The following GGTA1 variants were observed in gnomAD, a reference collection of about 807,000 sequenced individuals.
The protein encoded by GGTA1 is glycoprotein alpha-galactosyltransferase 1 (inactive).
In GGTA1, 5 loss-of-function variants were observed where a neutral mutation model predicts 2.6. The ratio of observed to expected loss-of-function variants is 1.92; its 90% confidence interval spans 1.00 to 4.04. The LOEUF is 4.04. Among genes scored for constraint, GGTA1 ranks in the 30% most tolerant of loss-of-function variants. The probability of loss-of-function intolerance (pLI) is 0.00; values close to 1 mark genes in which losing one functional copy is unlikely to be tolerated. For missense variants in GGTA1, 50 were observed against 16.7 expected (o/e 2.99, Z -3.47); for synonymous variants, 17 against 5.0 (o/e 3.38, Z -3.19).
At chr9:121,481,152 CAAA>C (rs56784223) in intron 1 of GGTA1, among the ~76,000 whole-genome samples, 4,642 of 78,454 alleles carry the variant, frequency 0.059, 287 homozygotes, top group African/African-American at 0.2. Context: ...GACACCATCT[CAAA>C]AAAAAAAAAA....
At chr9:121,461,079 A>G (rs977285995) in intron 4 of GGTA1, among the ~76,000 whole-genome samples, 173 bp downstream of exon 4, 15 of 152,202 alleles carry the variant, frequency 9.9e-5, no homozygotes, top group Non-Finnish European at 1.3e-4. Context: ...TGTCTCAAAA[A>G]CAAAACCAAC....
chr9:121,451,606 C>G (rs2064878651), downstream of GGTA1, among the ~76,000 whole-genome samples: 1 of 152,220 alleles, frequency 6.6e-6, no homozygotes. Context: ...AGCAAATCTT[C>G]TAGGGCCAAA....
At chr9:121,473,850 C>A (rs1341712276) in intron 1 of GGTA1, among the ~76,000 whole-genome samples, 2 of 150,726 alleles carry the variant, frequency 1.3e-5, no homozygotes, top group East Asian at 4.0e-4. Flanking sequence ...TTGGGAAGGT[C>A]CAGGCTGCAG....
chr9:121,496,620 T>G (rs1438629526), intron 1 of GGTA1, among the ~76,000 whole-genome samples: 1 of 135,908 alleles, frequency 7.4e-6, no homozygotes, highest in African/African-American at 2.6e-5. Context: ...TAATCCCAGC[T>G]ACTCAGGAGG....
rs1192534338 is a variant in GGTA1, at chr9:121,460,110, T to A, written c.292A>T (p.Ile98Phe). 1 of 456,768 alleles carries A rather than the reference T, an allele frequency of 2.2e-6. No individual in the cohort carries two copies. The highest frequency in any genetic ancestry group is 2.3e-5 in the Admixed American group (1 of 42,566). The allele number at this position is 456,768 out of a possible 1,614,324, so 28.3% of individuals were successfully genotyped here. The change falls in exon 5 of 6, where the codon ATC becomes TTC. Residue 98 changes from isoleucine (I) to phenylalanine (F), a missense_variant. By Grantham distance (21) the Ile-to-Phe change is conservative. Transcript: ENST00000481799. ...QQSFGYGTGL[I>F]QT The stretch of plus-strand genomic sequence containing the variant: ...GTGACGCCGCTTTTCTTACTTTGGA[T>A]TAAACCAGTCCCATAGCCGAAGCTC...
In GGTA1 at chr9:121,455,180, C is replaced by G. The variant is rs1001370867; in HGVS notation, c.*657G>C. The G allele has an allele frequency of 6.6e-6, 1 of 152,058 alleles. No homozygotes were observed. The highest frequency in any genetic ancestry group is 1.5e-5 in the Non-Finnish European group (1 of 68,018). The allele number at this position is 152,058 out of a possible 1,614,324, so 9.4% of individuals were successfully genotyped here. ...TAAAACTCCCATCTTTGTTGAATGA[C>G]GAGATTGTAAACCAGAAACCAAAAA... is the stretch of plus-strand genomic sequence containing the variant. On this transcript the variant is annotated 3_prime_UTR_variant, in exon 6 of 6. Coordinates refer to ENST00000481799, the MANE Select transcript of GGTA1 (RefSeq NM_001382585.1).
chr9:121,448,228 A>G (rs1476011542), intron 7 of GGTA1, among the ~76,000 whole-genome samples: 4 of 152,212 alleles, frequency 2.6e-5, no homozygotes, highest in African/African-American at 9.7e-5. Context: ...AGGGGGTACT[A>G]GTTCTTGATC....
At chr9:121,495,238 ACTT>A (rs1828966646) in intron 1 of GGTA1, among the ~76,000 whole-genome samples, 3 of 151,570 alleles carry the variant, frequency 2.0e-5, no homozygotes, top group Admixed American at 2.0e-4. Flanking sequence ...CCTCAAATAA[ACTT>A]CTGGAAAGAG....
At position 121,471,312 on chromosome 9, in the gene GGTA1, G is replaced by A. The variant is rs1285621310; in HGVS notation, c.-9-3381C>T. Among the ~76,000 whole-genome samples, 6 of 151,810 alleles carry A rather than the reference G, an allele frequency of 4.0e-5. No individual in the cohort carries two copies. In the East Asian group the frequency reaches 5.8e-4, roughly 15 times the overall value. ...TGTTTTTGGAGGTGGCTCTGCCTCCGGTATCAGTTAGTCTGTGAGCTTCCT... is the reference window on the plus strand; with the variant it reads ...TGTTTTTGGAGGTGGCTCTGCCTCCAGTATCAGTTAGTCTGTGAGCTTCCT... On this transcript the variant is annotated intron_variant, in intron 1 of 5. Coordinates refer to ENST00000481799, the MANE Select transcript of GGTA1 (RefSeq NM_001382585.1).
chr9:121,466,063 G>A (rs539945300), intron 2 of GGTA1, among the ~76,000 whole-genome samples: 5 of 152,154 alleles, frequency 3.3e-5, no homozygotes, highest in South Asian at 2.1e-4. Context: ...CTACAGGTGC[G>A]CACCACCATG....
Position 121,476,724 on chromosome 9 carries a change from C to T in GGTA1, c.-9-8793G>A, listed in dbSNP as rs1828518934. Among the ~76,000 whole-genome samples, 1 of 152,194 alleles carries T rather than the reference C, an allele frequency of 6.6e-6. No individual in the cohort carries two copies. The highest frequency in any genetic ancestry group is 2.1e-4 in the South Asian group (1 of 4,834). The stretch of plus-strand genomic sequence containing the variant: ...GCGCTGAATGCAGAGGCTGACTTAC[C>T]AGGAGCTAATGACGCTTAGGTGTCA... On this transcript the variant is annotated intron_variant, in intron 1 of 5. Coordinates refer to ENST00000481799, the MANE Select transcript of GGTA1 (RefSeq NM_001382585.1). This position sits in a 1 kb window ranked among gnomAD's most constrained non-coding sequence, Gnocchi z 4.6.
chr9:121,459,446 A>C (rs1205994494), intron 5 of GGTA1, among the ~76,000 whole-genome samples: 3 of 152,156 alleles, frequency 2.0e-5, no homozygotes, highest in Non-Finnish European at 4.4e-5. Flanking sequence ...AAAATGAATA[A>C]AAATTAAAAA....
intron 1 of GGTA1, among the ~76,000 whole-genome samples, chr9:121,487,879 C>A (rs564360449): frequency 6.6e-6 from 1 of 152,172 alleles, no homozygotes; most frequent in South Asian, 2.1e-4. Context: ...CCACGCCCAG[C>A]TAATTTTTGT....
intron 2 of GGTA1, among the ~76,000 whole-genome samples, chr9:121,466,185 G>A (rs960270653): frequency 1.3e-5 from 2 of 152,194 alleles, no homozygotes; most frequent in African/African-American, 4.8e-5. Context: ...CTCCCAAAGT[G>A]TTGGGATTAC....
chr9:121,493,748 CTTTTTT>C (rs35465171), intron 1 of GGTA1, among the ~76,000 whole-genome samples: 2 of 36,558 alleles, frequency 5.5e-5, no homozygotes, highest in African/African-American at 9.0e-5. Flanking sequence ...GACTCACTCT[CTTTTTT>C]TTTTTTTTTT....
downstream of GGTA1, among the ~76,000 whole-genome samples, chr9:121,454,669 G>T (rs1319839409): frequency 5.3e-5 from 8 of 152,154 alleles, no homozygotes; most frequent in Non-Finnish European, 1.0e-4. Context: ...TGCTGATGAA[G>T]TTGGGGTTAA....
chr9:121,446,057 C>T (rs2064851041), exon 8 of GGTA1: 1 of 152,196 alleles, frequency 6.6e-6, no homozygotes, highest in Non-Finnish European at 1.5e-5. Flanking sequence ...ACACAAGAAA[C>T]ATCTTCCGTT....
Position 121,461,409 on chromosome 9 carries a change from T to A in GGTA1, c.117-92A>T, listed in dbSNP as rs1009834355. The A allele has an allele frequency of 9.4e-5, 37 of 395,042 alleles. No homozygotes were observed. In the East Asian group the frequency reaches 1.4e-3, roughly 15 times the overall value. The allele number at this position is 395,042 out of a possible 1,614,324, so 24.5% of individuals were successfully genotyped here. ...ATTCTTTCTATAGCCGAGATTACTT[T>A]AAAAAAATAAAAAACCTTAAAATGC... On this transcript the variant is annotated intron_variant, in intron 3 of 5. Transcript: ENST00000481799.
chr9:121,498,520 G>A (rs73661739), intron 1 of GGTA1, among the ~76,000 whole-genome samples: 315 of 152,316 alleles, frequency 2.1e-3, no homozygotes, highest in African/African-American at 7.3e-3. Context: ...GAGACTGGAA[G>A]GAAGGTCTCC....
Sources: allele counts gnomAD v4.1 joint callset (sites outside exome capture counted in the v4.1 genomes callset), GRCh38; gene constraint gnomAD v4.1.1; non-coding constraint Gnocchi (gnomAD v3.1); transcripts MANE v1.5; gene names NCBI Gene and HGNC (gene_info 2026-07-23, HGNC 2026-07-21).